The following TSC22D3 variants were observed in gnomAD, a reference collection of about 807,000 sequenced individuals.
TSC22D3 encodes TSC22 domain family protein 3.
A neutral mutation model predicts 11.1 loss-of-function variants in TSC22D3; 4 were observed. The observed-to-expected ratio is 0.36, with a 90% CI of 0.18 to 0.83. The LOEUF is 0.83. Among genes scored for constraint, TSC22D3 ranks in the 40% least tolerant of loss-of-function variants. TSC22D3 has a pLI of 0.48. For missense variants in TSC22D3, 118 were observed against 159.4 expected (o/e 0.74, Z 1.40); for synonymous variants, 77 against 70.3 (o/e 1.10, Z -0.48).
chrX:107,714,450 C>G lies in TSC22D3; in HGVS notation c.*69G>C. ...CCTCGTGAGATGATGCTTGGGGAGC[C>G]AAAAACAAACTGGAAAGAACTAGGT... is the stretch of plus-strand genomic sequence containing the variant. On this transcript the variant is annotated 3_prime_UTR_variant, in exon 3 of 3. Coordinates refer to ENST00000372383, the MANE Select transcript of TSC22D3 (RefSeq NM_198057.3). 9.7e-7 allele frequency: 1 copy of G among 1,030,942 alleles called. No homozygotes were observed. Among genetic ancestry groups the G allele is most frequent in the Non-Finnish European group, 1.3e-6 (1 of 759,968 alleles). 85.0% of individuals were successfully genotyped at this position (1,030,942 alleles called of 1,213,427 possible).
At chrX:107,762,157 T>C (rs16985289) in intron 1 of TSC22D3, among the ~76,000 whole-genome samples, 8,729 of 111,968 alleles carry the variant, frequency 0.078, 318 homozygotes, top group African/African-American at 0.12. Context: ...ATCTTGTTTG[T>C]GTGCATGAAG....
At chrX:107,744,747 A>G (rs1471210009) in intron 1 of TSC22D3, among the ~76,000 whole-genome samples, 1 of 111,400 alleles carries the variant, frequency 9.0e-6, no homozygotes, top group Admixed American at 9.5e-5. Context: ...ATTTTATAGG[A>G]TATTTTGGTT....
Position 107,775,331 on chromosome X carries a change from T to C in TSC22D3, c.89A>G (p.Gln30Arg). ...CLDLAHRSGL[Q>R]RGSSGENNNP... ...GTTGTTCTCCCCGCTGCTGCCTCGC[T>C]GGAGCCCACTCCGATGGGCCAGGTC... Residue 30 changes from glutamine (Q) to arginine (R), a missense_variant, in exon 1 of 3, where the codon CAG becomes CGG. Coordinates refer to ENST00000372383, the MANE Select transcript of TSC22D3 (RefSeq NM_198057.3). 1 of 1,210,977 alleles carries C rather than the reference T, an allele frequency of 8.3e-7. No individual in the cohort carries two copies. Among genetic ancestry groups the C allele is most frequent in the Non-Finnish European group, 1.1e-6 (1 of 895,019 alleles).
chrX:107,762,846 C>CTTTTTTTTTTTTTTTTTTT (rs1170456785), intron 1 of TSC22D3, among the ~76,000 whole-genome samples: 1 of 44,801 alleles, frequency 2.2e-5, no homozygotes, highest in Non-Finnish European at 4.4e-5. Context: ...TGCACATGTA[C>CTTTTTTTTTTTTTTTTTTT]TTTTTTTTTT....
chrX:107,738,902 C>T (rs1016510990), intron 1 of TSC22D3, among the ~76,000 whole-genome samples: 7 of 111,044 alleles, frequency 6.3e-5, no homozygotes, highest in East Asian at 2.8e-4. Flanking sequence ...GCAAACGGCA[C>T]GCAGCAGGGG....
chrX:107,743,821 G>A (rs1303401612), intron 1 of TSC22D3, among the ~76,000 whole-genome samples: 1 of 111,940 alleles, frequency 8.9e-6, no homozygotes, highest in East Asian at 2.8e-4. Flanking sequence ...ACTGGTTGTG[G>A]GTGAGGGGGG....
At chrX:107,722,043 A>T (rs1163581929) in intron 1 of TSC22D3, 5 of 353,423 alleles carry the variant, frequency 1.4e-5, no homozygotes, top group Non-Finnish European at 2.5e-5. Context: ...CCCAAAGTCC[A>T]GAAGGAGGGA....
Position 107,741,928 on chromosome X carries a change from G to A in TSC22D3, c.321-25978C>T, listed in dbSNP as rs774298063. ...GAGCCCATCTCCAGCTGTTGGGCGG[G>A]CTGTTTCCTTTGATAAAGCACTTGG... On this transcript the variant is annotated intron_variant, in intron 1 of 2. Coordinates refer to ENST00000372383, the MANE Select transcript of TSC22D3 (RefSeq NM_198057.3). Among the ~76,000 whole-genome samples, 49 of 111,847 alleles carry A rather than the reference G, an allele frequency of 4.4e-4. 1 individual carries two copies. The highest frequency in any genetic ancestry group is 7.3e-4 in the Non-Finnish European group (39 of 53,094).
rs1009868684 is a variant in TSC22D3 at position 107,713,762 on chromosome X, G to T, written c.*757C>A. 1.8e-5 allele frequency: 2 copies of T among 112,515 alleles called. No homozygotes were observed. The highest frequency in any genetic ancestry group is 3.2e-5 in the African/African-American group (1 of 30,805). 9.3% of individuals were successfully genotyped at this position (112,515 alleles called of 1,213,427 possible). ...CACAGTCAAAGACTTAGCCATAAGA[G>T]GTAAGGGACCAGTCAATACTCCCAA... On this transcript the variant is annotated 3_prime_UTR_variant, in exon 3 of 3. Coordinates refer to ENST00000372383, the MANE Select transcript of TSC22D3 (RefSeq NM_198057.3).
chrX:107,738,351 T>C (rs1032997446), intron 1 of TSC22D3, among the ~76,000 whole-genome samples: 3 of 112,982 alleles, frequency 2.7e-5, no homozygotes, highest in African/African-American at 9.6e-5. Flanking sequence ...GCAGCTCATC[T>C]TCTCCTAGGC....
At chrX:107,759,447 C>G (rs902260699) in intron 1 of TSC22D3, among the ~76,000 whole-genome samples, 3 of 112,107 alleles carry the variant, frequency 2.7e-5, no homozygotes, top group Non-Finnish European at 5.6e-5. Flanking sequence ...TCCCCTCCCC[C>G]ATTTTGTAAG....
At chrX:107,765,124 C>A (rs930761295) in intron 1 of TSC22D3, among the ~76,000 whole-genome samples, 2 of 111,858 alleles carry the variant, frequency 1.8e-5, no homozygotes, top group African/African-American at 6.5e-5. Flanking sequence ...GCTGGACTAG[C>A]GAGGTTCTCC....
At chrX:107,729,483 G>A (rs1569449051) in intron 1 of TSC22D3, among the ~76,000 whole-genome samples, 3 of 112,282 alleles carry the variant, frequency 2.7e-5, no homozygotes, top group African/African-American at 9.7e-5. Context: ...TGTGAACTAG[G>A]CAGCCCTGGC....
In TSC22D3 at chrX:107,775,239, T is replaced by C; in HGVS notation, c.181A>G (p.Asn61Asp). Residue 61 changes from asparagine to aspartate, a missense_variant, in exon 1 of 3, where the codon AAT becomes GAT. Coordinates refer to ENST00000372383, the MANE Select transcript of TSC22D3 (RefSeq NM_198057.3). The part of the protein sequence containing the change: ...LQEKLVFENL[N>D]TDKLNSIMRQ... ...ATTATGCTGTTGAGCTTGTCGGTAT[T>C]GAGGTTCTCAAAGACCAGCTTTTCC... The C allele has an allele frequency of 1.3e-5, 16 of 1,212,032 alleles. No homozygotes were observed. Among genetic ancestry groups the C allele is most frequent in the Non-Finnish European group, 1.8e-5 (16 of 895,591 alleles).
At chrX:107,771,309 G>T (rs969652022) in intron 1 of TSC22D3, among the ~76,000 whole-genome samples, 3 of 112,327 alleles carry the variant, frequency 2.7e-5, no homozygotes, top group Non-Finnish European at 5.6e-5. Context: ...ATTTGGTCGG[G>T]CGCAGTGGCT....
Position 107,757,511 on chromosome X carries a change from C to T in TSC22D3, c.320+17589G>A, listed in dbSNP as rs141301573. On this transcript the variant is annotated intron_variant, in intron 1 of 2. Coordinates refer to ENST00000372383, the MANE Select transcript of TSC22D3 (RefSeq NM_198057.3). ...GAGGAGATACAAGCCAGGTGATGAA[C>T]AAAACACTACAAACTTTAAAAGAAA... Among the ~76,000 whole-genome samples the T allele has an allele frequency of 1.5e-3, 167 of 112,315 alleles. 1 individual carries two copies. In the East Asian group the frequency reaches 0.031, roughly 21 times the overall value.
At chrX:107,715,624 C>T (rs2147713707) in intron 2 of TSC22D3, 2 of 407,721 alleles carry the variant, frequency 4.9e-6, no homozygotes, top group East Asian at 8.5e-5. Flanking sequence ...GAGCTCCCTG[C>T]CCAACAACAG....
chrX:107,731,627 G>T (rs1292921174), intron 1 of TSC22D3, among the ~76,000 whole-genome samples: 1 of 111,565 alleles, frequency 9.0e-6, no homozygotes, highest in African/African-American at 3.3e-5. Context: ...TAAGGTGGTT[G>T]CTCAGTTCTG....
At position 107,762,820 on chromosome X, in the gene TSC22D3, TA is replaced by T. The variant is rs368824110; in HGVS notation, c.320+12279del. 3.7e-3 allele frequency among the ~76,000 whole-genome samples: 336 copies of T among 89,862 alleles called. 2 individuals are homozygous for T. Among genetic ancestry groups the T allele is most frequent in the South Asian group, 0.026 (51 of 1,998 alleles). The allele number at this position is 89,862 out of a possible 115,157, so 78.0% of individuals were successfully genotyped here. ...GTTGTGACTTTTCTTATATTTGCTT[TA>T]AAAAAAAAAAAACCTGCACATGTAC... On this transcript the variant is annotated intron_variant, in intron 1 of 2. Transcript: ENST00000372383.
Sources: gnomAD v4.1 joint callset for allele counts (sites outside exome capture counted in the v4.1 genomes callset) on GRCh38, gnomAD v4.1.1 for gene constraint, MANE v1.5 for transcripts, NCBI Gene and HGNC (gene_info 2026-07-23, HGNC 2026-07-21) for gene names.